The following MSH3 variants were observed in gnomAD, a reference collection of about 807,000 sequenced individuals.
MSH3 encodes the protein DNA mismatch repair protein Msh3.
Under a neutral mutation model 123.3 loss-of-function variants are expected in MSH3, and 106 were observed. The observed-to-expected ratio is 0.86, with a 90% CI of 0.73 to 1.01. The LOEUF (loss-of-function observed/expected upper bound fraction) is 1.01, where lower values mean the gene tolerates loss of function less well. Among genes scored for constraint, MSH3 ranks in the 50% least tolerant of loss-of-function variants. The probability of loss-of-function intolerance (pLI) is 0.00; values close to 1 mark genes in which losing one functional copy is unlikely to be tolerated. For synonymous variants in MSH3, 515 were observed against 481.4 expected (o/e 1.07, Z -0.91); for missense variants, 1,459 against 1,347.6 (o/e 1.08, Z -1.29).
chr5:80,719,078 T>G (rs1167321603), intron 8 of MSH3, among the ~76,000 whole-genome samples: 1 of 151,814 alleles, frequency 6.6e-6, no homozygotes, highest in Non-Finnish European at 1.5e-5. Flanking sequence ...AGACGGAGTC[T>G]TACTCTGTCG....
intron 20 of MSH3, among the ~76,000 whole-genome samples, chr5:80,845,840 G>A (rs1465992990): frequency 6.6e-6 from 1 of 152,088 alleles, no homozygotes; most frequent in Admixed American, 6.5e-5. Context: ...CATGTGATGG[G>A]TTAGAACATG....
At chr5:80,742,622 C>T (rs6151748) in intron 11 of MSH3, among the ~76,000 whole-genome samples, 5 of 152,176 alleles carry the variant, frequency 3.3e-5, no homozygotes, top group African/African-American at 1.2e-4. Context: ...ATATTATTAA[C>T]TAGTTTCTCT....
chr5:80,726,852 G>T (rs1279283266), intron 9 of MSH3, among the ~76,000 whole-genome samples: 1 of 152,092 alleles, frequency 6.6e-6, no homozygotes, highest in Admixed American at 6.5e-5. Context: ...TAAATCTTAA[G>T]ACTACCATGA....
rs755350309 is a variant in MSH3 at position 80,654,860 on chromosome 5, G to C, written c.133G>C (p.Asp45His). 5.0e-6 allele frequency: 8 copies of C among 1,603,048 alleles called. No individual in the cohort carries two copies. The African/African-American group carries it at 1.1e-4, about 22-fold the overall frequency. ...KSTSSSTGAA[D>H]QVDPGAAAAA... The stretch of plus-strand genomic sequence containing the variant: ...CACCTCCTCCTCCACAGGTGCAGCC[G>C]ACCAGGTGGACCCTGGCGCTGCAGC... The change falls in exon 1 of 24, where the codon GAC becomes CAC. Residue 45 changes from aspartate to histidine, a missense_variant. Coordinates refer to ENST00000265081, the MANE Select transcript of MSH3 (RefSeq NM_002439.5).
At chr5:80,677,289 TCAGTCTGGGCAGTG>T (rs1240740245) in intron 7 of MSH3, among the ~76,000 whole-genome samples, 15 of 152,190 alleles carry the variant, frequency 9.9e-5, no homozygotes, top group Admixed American at 9.2e-4. Context: ...CTCTGTGCCT[TCAGTCTGGGCAGTG>T]CAGTTTTATA....
intron 12 of MSH3, 25 bp from the exon 13 acceptor site, chr5:80,761,521 T>G (rs769799519): frequency 6.2e-7 from 1 of 1,613,714 alleles, no homozygotes; most frequent in African/African-American, 1.3e-5. Context: ...CATATCTGAT[T>G]ATTGCTATTA....
At chr5:80,861,639 C>G (rs1399277418) in intron 21 of MSH3, among the ~76,000 whole-genome samples, 2 of 152,158 alleles carry the variant, frequency 1.3e-5, no homozygotes, top group Non-Finnish European at 2.9e-5. Flanking sequence ...AAGTGGAACT[C>G]CTGGGAGTAA....
At chr5:80,663,051 A>G (rs1749476133) in intron 2 of MSH3, among the ~76,000 whole-genome samples, 1 of 152,138 alleles carries the variant, frequency 6.6e-6, no homozygotes, top group Non-Finnish European at 1.5e-5. Context: ...CCTAGGCAAC[A>G]TAGGGAGACC....
chr5:80,764,771 T>C (rs1168342818), intron 13 of MSH3, among the ~76,000 whole-genome samples: 1 of 152,196 alleles, frequency 6.6e-6, no homozygotes, highest in Admixed American at 6.5e-5. Flanking sequence ...TGTAAGAAAT[T>C]CTTAAGTAAC....
At chr5:80,689,715 C>CTT (rs541235621) in intron 8 of MSH3, among the ~76,000 whole-genome samples, 101 of 131,590 alleles carry the variant, frequency 7.7e-4, no homozygotes, top group African/African-American at 2.7e-3. Context: ...AGACCGAGTT[C>CTT]TTTTTTTTTT....
chr5:80,863,532 G>A (rs57067128), intron 21 of MSH3, among the ~76,000 whole-genome samples: 19,096 of 151,906 alleles, frequency 0.13, 1,533 homozygotes, highest in East Asian at 0.35. Flanking sequence ...TTAGCCAGGC[G>A]TGGTGGCGGG....
At chr5:80,733,292 G>A (rs1411405485) in intron 10 of MSH3, among the ~76,000 whole-genome samples, 2 of 152,086 alleles carry the variant, frequency 1.3e-5, no homozygotes, top group Non-Finnish European at 1.5e-5. Context: ...GAATGAAGTT[G>A]GACCCTTACT....
chr5:80,837,693 T>G (rs1437993193), intron 20 of MSH3, among the ~76,000 whole-genome samples: 1 of 152,222 alleles, frequency 6.6e-6, no homozygotes, highest in Non-Finnish European at 1.5e-5. Flanking sequence ...ACTGTATTAT[T>G]TTTCTGAACT....
At chr5:80,784,855 A>G (rs1487331520) in intron 17 of MSH3, among the ~76,000 whole-genome samples, 2 of 152,204 alleles carry the variant, frequency 1.3e-5, no homozygotes, top group African/African-American at 2.4e-5. Context: ...TATATTCATT[A>G]TGTTCTATCT....
Position 80,875,861 on chromosome 5 carries a change from A to T in MSH3, c.3413A>T (p.Ter1138LeuextTer13). The T allele has an allele frequency of 1.3e-6, 2 of 1,556,916 alleles. No homozygotes were observed. The highest frequency in any genetic ancestry group is 1.8e-6 in the Non-Finnish European group (2 of 1,127,962). The change falls in exon 24 of 24, where the codon TAA (stop) becomes TTA (leucine). Residue 1138 changes from the stop codon to leucine, a stop_lost. Transcript: ENST00000265081. ...GAAACACAGACTTCTCTTCTTCATT[A>T]AAATGAAGACTACATTTGTGAACAA... is the stretch of plus-strand genomic sequence containing the variant. ...MEETQTSLLH[*>L]
At chr5:80,716,875 C>G (rs1486647519) in intron 8 of MSH3, among the ~76,000 whole-genome samples, 9 of 152,168 alleles carry the variant, frequency 5.9e-5, no homozygotes, top group Admixed American at 3.9e-4. Context: ...CTCATTACCT[C>G]CCTCCCCAAA....
chr5:80,686,261 A>G (rs1750086501), intron 8 of MSH3, among the ~76,000 whole-genome samples: 2 of 152,122 alleles, frequency 1.3e-5, no homozygotes, highest in Admixed American at 6.6e-5. Context: ...AGATCTGTCC[A>G]ATGATGAAAG....
Position 80,774,461 on chromosome 5 carries a change from A to G in MSH3, c.2254-1233A>G, listed in dbSNP as rs568495973. On this transcript the variant is annotated intron_variant, in intron 15 of 23. Transcript: ENST00000265081. ...TGATCCAGCAATCCCACTGCTAGGT[A>G]TATATCCCAAAGAAAGGTAATTAGT... Among the ~76,000 whole-genome samples, 12 of 152,224 alleles carry G rather than the reference A, an allele frequency of 7.9e-5. No individual in the cohort carries two copies. The East Asian group carries it at 2.3e-3, about 29-fold the overall frequency.
rs937270237 is a variant in MSH3, at chr5:80,731,037, G to A, written c.1568+2072G>A. Among the ~76,000 whole-genome samples, 4 of 151,102 alleles carry A rather than the reference G, an allele frequency of 2.6e-5. No homozygotes were observed. The South Asian group carries it at 8.4e-4, about 32-fold the overall frequency. ...CCTGCCTCCACCTCCCAAGTAGCTGGGATTACAGGTGCACGCCACCGCGCC... is the reference window on the plus strand; with the variant it reads ...CCTGCCTCCACCTCCCAAGTAGCTGAGATTACAGGTGCACGCCACCGCGCC... On this transcript the variant is annotated intron_variant, in intron 10 of 23. Transcript: ENST00000265081.
Sources: allele counts gnomAD v4.1 joint callset (sites outside exome capture counted in the v4.1 genomes callset), GRCh38; gene constraint gnomAD v4.1.1; transcripts MANE v1.5; gene names NCBI Gene and HGNC (gene_info 2026-07-23, HGNC 2026-07-21).